IGF2BP2: variants seen among roughly 807,000 people sequenced by gnomAD.
The protein encoded by IGF2BP2 is insulin-like growth factor 2 mRNA-binding protein 2.
A neutral mutation model predicts 75.8 loss-of-function variants in IGF2BP2; 17 were observed. That is an observed-to-expected ratio of 0.22 (90% confidence interval 0.15 to 0.34). IGF2BP2 has a LOEUF of 0.34. Among genes scored for constraint, IGF2BP2 ranks in the 10% least tolerant of loss-of-function variants. IGF2BP2 has a pLI of 1.00. For synonymous variants in IGF2BP2, 288 were observed against 295.6 expected, an observed-to-expected ratio of 0.97 and a Z score of 0.26; for missense variants, 516 against 772.4, an observed-to-expected ratio of 0.67 and a Z score of 3.93.
chr3:185,796,954 T>G (rs1401740566), intron 2 of IGF2BP2, among the ~76,000 whole-genome samples: 2 of 152,120 alleles, frequency 1.3e-5, no homozygotes, highest in Non-Finnish European at 2.9e-5. Flanking sequence ...CACATCAGAT[T>G]CCAGGTACGA....
At chr3:185,659,097 T>C (rs1715963804) in intron 10 of IGF2BP2, among the ~76,000 whole-genome samples, 1 of 152,096 alleles carries the variant, frequency 6.6e-6, no homozygotes, top group African/African-American at 2.4e-5. Context: ...GTGTGCACTC[T>C]GGTCCCAGTT....
rs1032246556 is a variant in IGF2BP2, at chr3:185,689,078, C to A, written c.677+277G>T. Reference sequence around the variant, plus strand: ...TCCAAACCTCTGCTTTTGTAGAAATCAATGCATCCATAAGCATTAGTTCGC... The same window carrying A: ...TCCAAACCTCTGCTTTTGTAGAAATAAATGCATCCATAAGCATTAGTTCGC... On this transcript the variant is annotated intron_variant, in intron 6 of 15. Coordinates refer to ENST00000382199, the MANE Select transcript of IGF2BP2 (RefSeq NM_006548.6). 9 of 375,008 alleles carry A rather than the reference C, an allele frequency of 2.4e-5. No homozygotes were observed. The South Asian group carries it at 3.9e-4, about 16-fold the overall frequency. 23.2% of individuals were successfully genotyped at this position (375,008 alleles called of 1,614,324 possible). A position where few individuals can be genotyped will look rare whatever the true frequency, so the allele number is the denominator to read the frequency against.
rs1553892617 is a variant in IGF2BP2, at chr3:185,796,629, A to AGAG, written c.239+26523_239+26524insCTC. Among the ~76,000 whole-genome samples the AGAG allele has an allele frequency of 2.1e-4, 23 of 108,012 alleles. 1 individual carries two copies. Among genetic ancestry groups the AGAG allele is most frequent in the African/African-American group, 7.3e-4 (16 of 21,828 alleles). 70.9% of individuals were successfully genotyped at this position (108,012 alleles called of 152,430 possible). A position where few individuals can be genotyped will look rare whatever the true frequency, so the allele number is the denominator to read the frequency against. On this transcript the variant is annotated intron_variant, in intron 2 of 15. Transcript: ENST00000382199. The stretch of plus-strand genomic sequence containing the variant: ...ATTCCTGAGCTAGGAAAAAAAAAAA[A>AGAG]AAAAAGAGAGAGAGACTAAGGTAAT...
intron 2 of IGF2BP2, among the ~76,000 whole-genome samples, chr3:185,708,716 C>T (rs1578047550): frequency 1.3e-5 from 2 of 152,218 alleles, no homozygotes; most frequent in South Asian, 4.2e-4. Flanking sequence ...GAGAACCTTC[C>T]TCAAAGCATG....
chr3:185,661,679 T>C (rs1312748300), intron 10 of IGF2BP2, among the ~76,000 whole-genome samples: 1 of 143,936 alleles, frequency 6.9e-6, no homozygotes, highest in Non-Finnish European at 1.5e-5. Context: ...ACCTACTCTG[T>C]GGGAGGCATT....
At chr3:185,655,537 T>C (rs1715294742) in intron 12 of IGF2BP2, among the ~76,000 whole-genome samples, 1 of 152,210 alleles carries the variant, frequency 6.6e-6, no homozygotes, top group Non-Finnish European at 1.5e-5. Flanking sequence ...CTGGAAAAGA[T>C]TGTTGGCCCA....
At chr3:185,672,221 C>CA (rs1718623555) in intron 10 of IGF2BP2, among the ~76,000 whole-genome samples, 1 of 152,180 alleles carries the variant, frequency 6.6e-6, no homozygotes, top group Non-Finnish European at 1.5e-5. Flanking sequence ...TACCATCACT[C>CA]ATGAAATGTT....
intron 2 of IGF2BP2, among the ~76,000 whole-genome samples, chr3:185,738,001 C>A (rs1252012300): frequency 6.6e-6 from 1 of 151,866 alleles, no homozygotes; most frequent in Non-Finnish European, 1.5e-5. Flanking sequence ...AAGAGTGTGC[C>A]AATTTCTACC....
intron 2 of IGF2BP2, among the ~76,000 whole-genome samples, chr3:185,806,406 A>T (rs760166048): frequency 6.6e-6 from 1 of 152,198 alleles, no homozygotes; most frequent in Non-Finnish European, 1.5e-5. Flanking sequence ...CTAAAGAGTA[A>T]GCACTCCTAA....
intron 2 of IGF2BP2, among the ~76,000 whole-genome samples, chr3:185,737,799 A>C (rs1466517092): frequency 6.6e-6 from 1 of 152,244 alleles, no homozygotes; most frequent in African/African-American, 2.4e-5. Context: ...GGTCATCCCC[A>C]GTTCTTAGAC....
At chr3:185,681,089 C>T (rs1216525260) in intron 7 of IGF2BP2, among the ~76,000 whole-genome samples, 1 of 151,984 alleles carries the variant, frequency 6.6e-6, no homozygotes, top group East Asian at 1.9e-4. Context: ...AAGTCCTAGC[C>T]AGAGCAATTA....
At chr3:185,775,148 C>G (rs1396204163) in intron 2 of IGF2BP2, among the ~76,000 whole-genome samples, 1 of 152,210 alleles carries the variant, frequency 6.6e-6, no homozygotes, top group Non-Finnish European at 1.5e-5. Context: ...AATAACAGCA[C>G]TGACCTCATA....
chr3:185,769,830 CA>C (rs35418660), intron 2 of IGF2BP2, among the ~76,000 whole-genome samples: 6,324 of 77,300 alleles, frequency 0.082, 76 homozygotes, highest in Non-Finnish European at 0.1. Context: ...ACCCTGTCTC[CA>C]AAAAAAAAAA....
At chr3:185,771,418 C>T (rs779028644) in intron 2 of IGF2BP2, among the ~76,000 whole-genome samples, 6 of 140,374 alleles carry the variant, frequency 4.3e-5, no homozygotes, top group African/African-American at 1.3e-4. Flanking sequence ...CCAGCCTGGG[C>T]GAAAGAGTAA....
At chr3:185,700,248 G>A (rs1723109709) in intron 2 of IGF2BP2, among the ~76,000 whole-genome samples, 1 of 152,118 alleles carries the variant, frequency 6.6e-6, no homozygotes, top group Admixed American at 6.6e-5. Flanking sequence ...AACAAATGGG[G>A]AAATAATGAA....
intron 2 of IGF2BP2, among the ~76,000 whole-genome samples, chr3:185,805,660 A>G (rs1171761519): frequency 1.3e-5 from 2 of 152,158 alleles, no homozygotes; most frequent in Admixed American, 6.6e-5. Flanking sequence ...AAAAACCAAC[A>G]AGGACATAGA....
intron 2 of IGF2BP2, among the ~76,000 whole-genome samples, chr3:185,805,492 C>A (rs1332889238): frequency 6.6e-6 from 1 of 152,166 alleles, no homozygotes; most frequent in East Asian, 1.9e-4. Context: ...GAGACCTGAA[C>A]CGGTCACTGG....
intron 2 of IGF2BP2, among the ~76,000 whole-genome samples, chr3:185,763,208 G>A (rs746463660): frequency 6.6e-6 from 1 of 151,678 alleles, no homozygotes; most frequent in Non-Finnish European, 1.5e-5. Flanking sequence ...TCAATGGTCT[G>A]TACAAACACC....
At chr3:185,689,666 A>T (rs1323204603) in intron 5 of IGF2BP2, 39 bp from the exon 6 acceptor site, 1 of 1,613,644 alleles carries the variant, frequency 6.2e-7, no homozygotes, top group African/African-American at 1.3e-5. Context: ...GTCAGAAACC[A>T]ACATCAAGAA....
Sources: gnomAD v4.1 joint callset for allele counts (sites outside exome capture counted in the v4.1 genomes callset) on GRCh38, gnomAD v4.1.1 for gene constraint, MANE v1.5 for transcripts, NCBI Gene and HGNC (gene_info 2026-07-23, HGNC 2026-07-21) for gene names.